Variants in PCDHA8 observed in about 807,000 individuals in gnomAD.
PCDHA8 encodes protocadherin alpha 8, also known as protocadherin alpha-8.
In PCDHA8, 53 loss-of-function variants were observed where a neutral mutation model predicts 61.8. That is an observed-to-expected ratio of 0.86 (90% CI 0.69 to 1.08). PCDHA8 has a LOEUF of 1.08. Ranked by LOEUF, PCDHA8 falls within the 50% of genes least tolerant of loss-of-function variation. PCDHA8 has a pLI of 0.00. For missense variants in PCDHA8, 1,293 were observed against 1,245.0 expected (o/e 1.04, Z -0.58); for synonymous variants, 618 against 556.6 (o/e 1.11, Z -1.55).
chr5:140,873,292 T>C (rs1399834963), intron 1 of PCDHA8, among the ~76,000 whole-genome samples: 1 of 152,210 alleles, frequency 6.6e-6, no homozygotes, highest in Admixed American at 6.5e-5. Context: ...TATGAAACTT[T>C]ATAAATATAA....
intron 1 of PCDHA8, among the ~76,000 whole-genome samples, chr5:140,933,130 A>G (rs2088870055): frequency 6.6e-6 from 1 of 151,994 alleles, no homozygotes; most frequent in Non-Finnish European, 1.5e-5. Context: ...CTAAATAATA[A>G]AGGTAGATAG....
At chr5:140,946,574 G>C (rs246054) in intron 1 of PCDHA8, among the ~76,000 whole-genome samples, 17 of 145,538 alleles carry the variant, frequency 1.2e-4, no homozygotes, top group African/African-American at 4.5e-4. Flanking sequence ...AATCAACTTA[G>C]GTGTTCATAG....
At chr5:140,942,544 G>A (rs546340510) in intron 1 of PCDHA8, among the ~76,000 whole-genome samples, 105 of 152,118 alleles carry the variant, frequency 6.9e-4, no homozygotes, top group African/African-American at 2.5e-3. Flanking sequence ...TATGGTGGGG[G>A]GTAGGGGGTT....
chr5:140,959,347 C>T (rs561977478), intron 1 of PCDHA8, among the ~76,000 whole-genome samples: 4 of 151,938 alleles, frequency 2.6e-5, no homozygotes, highest in Admixed American at 6.6e-5. Context: ...TGCACTCCAG[C>T]GGGACAACTG....
chr5:140,988,871 A>T (rs1319139244), intron 3 of PCDHA8: 1 of 152,208 alleles, frequency 6.6e-6, no homozygotes, highest in Non-Finnish European at 1.5e-5. Context: ...GTGCACTCAG[A>T]TGTACGATCC....
chr5:140,922,643 C>T (rs1554200906), intron 1 of PCDHA8, among the ~76,000 whole-genome samples: 3 of 152,192 alleles, frequency 2.0e-5, no homozygotes, highest in African/African-American at 7.2e-5. Flanking sequence ...CTCCATCAAA[C>T]AGTAAATATG....
intron 1 of PCDHA8, among the ~76,000 whole-genome samples, chr5:140,954,988 A>G (rs554115730): frequency 2.0e-5 from 3 of 152,204 alleles, no homozygotes; most frequent in Admixed American, 6.5e-5. Context: ...AATTTTCTGC[A>G]TATGGCTAGC....
At chr5:140,916,527 C>T (rs2077599616) in intron 1 of PCDHA8, among the ~76,000 whole-genome samples, 1 of 152,162 alleles carries the variant, frequency 6.6e-6, no homozygotes, top group Non-Finnish European at 1.5e-5. Context: ...CTGGGTCCTT[C>T]CCACCAAGGC....
At position 140,869,037 on chromosome 5, in the gene PCDHA8, C is replaced by T. The variant is rs547872988; in HGVS notation, c.2394+25322C>T. 8.6e-5 allele frequency: 132 copies of T among 1,528,404 alleles called. No individual in the cohort carries two copies. In the East Asian group the frequency reaches 2.7e-3, roughly 31 times the overall value. The allele number at this position is 1,528,404 out of a possible 1,614,324, so 94.7% of individuals were successfully genotyped here. ...CTTAAGAATTCAACGAGATTTTTAA[C>T]CTGAAACTGAAGAATCTGGTACTGT... On this transcript the variant is annotated intron_variant, in intron 1 of 3. Coordinates refer to ENST00000531613, the MANE Select transcript of PCDHA8 (RefSeq NM_018911.3).
chr5:141,006,921 A>G (rs1229765479), intron 3 of PCDHA8, among the ~76,000 whole-genome samples: 1 of 152,176 alleles, frequency 6.6e-6, no homozygotes, highest in Non-Finnish European at 1.5e-5. Context: ...TGCCCATGAG[A>G]TTTCCAACTG....
intron 1 of PCDHA8, among the ~76,000 whole-genome samples, chr5:140,886,020 A>G (rs1402901328): frequency 2.0e-5 from 3 of 152,182 alleles, no homozygotes; most frequent in African/African-American, 7.2e-5. Flanking sequence ...GATGCTATGT[A>G]TTCTTCACTA....
chr5:140,848,144 G>T, intron 1 of PCDHA8: 2 of 202,506 alleles, frequency 9.9e-6, no homozygotes, highest in Non-Finnish European at 1.0e-5. Flanking sequence ...ACTTTTAGAG[G>T]CAGTCAGTCT....
intron 1 of PCDHA8, among the ~76,000 whole-genome samples, chr5:140,954,013 C>T (rs942687934): frequency 6.6e-6 from 1 of 152,172 alleles, no homozygotes; most frequent in African/African-American, 2.4e-5. Context: ...TCAGCTCCCA[C>T]ACATAGTGGG....
intron 1 of PCDHA8, chr5:140,869,239 G>A: frequency 6.2e-7 from 1 of 1,613,652 alleles, no homozygotes; most frequent in Non-Finnish European, 8.5e-7. Context: ...CACCTTCGTG[G>A]GCCGCATCGC....
chr5:141,009,938 G>T lies in PCDHA8; in HGVS notation c.*1G>T, dbSNP rs781826815. The T allele has an allele frequency of 6.6e-5, 106 of 1,600,570 alleles. No individual in the cohort carries two copies. The highest frequency in any genetic ancestry group is 8.9e-5 in the Non-Finnish European group (105 of 1,175,516). ...CACGACTGACAACAGTGACCAGTGA[G>T]GTCCTCAAATGGAAACAAGCCACTT... On this transcript the variant is annotated 3_prime_UTR_variant, in exon 4 of 4. Coordinates refer to ENST00000531613, the MANE Select transcript of PCDHA8 (RefSeq NM_018911.3).
At chr5:140,870,227 A>G in intron 1 of PCDHA8, 1 of 1,614,142 alleles carries the variant, frequency 6.2e-7, no homozygotes, top group Non-Finnish European at 8.5e-7. Flanking sequence ...AGCGTGTCTG[A>G]CCGTGACTCA....
intron 1 of PCDHA8, among the ~76,000 whole-genome samples, chr5:140,896,222 A>G (rs1554186870): frequency 6.6e-6 from 1 of 152,222 alleles, no homozygotes; most frequent in Non-Finnish European, 1.5e-5. Context: ...ATGTGTCTTT[A>G]TAGTAGAATG....
chr5:140,860,245 T>C (rs2046291646), intron 1 of PCDHA8: 1 of 151,496 alleles, frequency 6.6e-6, no homozygotes, highest in Non-Finnish European at 1.5e-5. Flanking sequence ...TGGTGGTACA[T>C]GCCTTTAGTC....
At chr5:140,866,264 G>C (rs908649642) in intron 1 of PCDHA8, 1 of 152,052 alleles carries the variant, frequency 6.6e-6, no homozygotes, top group Admixed American at 6.5e-5. Flanking sequence ...TTTCTTTACT[G>C]TGAATAAAGA....
Sources: allele counts gnomAD v4.1 joint callset (sites outside exome capture counted in the v4.1 genomes callset), GRCh38; gene constraint gnomAD v4.1.1; transcripts MANE v1.5; gene names NCBI Gene and HGNC (gene_info 2026-07-23, HGNC 2026-07-21).